The following GALNT17 variants were observed in gnomAD, a reference collection of about 807,000 sequenced individuals.
GALNT17 encodes the protein UDP-GalNAc:polypeptide N-acetylgalactosaminyltransferase-like 3.
GALNT17 carries 29 observed loss-of-function variants against 63.7 expected under a neutral mutation model. The ratio of observed to expected loss-of-function variants is 0.46; its 90% confidence interval spans 0.34 to 0.62. The LOEUF (loss-of-function observed/expected upper bound fraction) is 0.62. Among genes scored for constraint, GALNT17 ranks in the 20% least tolerant of loss-of-function variants. The pLI is 0.01. For synonymous variants in GALNT17, 305 were observed against 318.3 expected (o/e 0.96, Z 0.45); for missense variants, 603 against 799.6 (o/e 0.75, Z 2.97).
chr7:71,253,409 C>T (rs559665709), intron 1 of GALNT17, among the ~76,000 whole-genome samples: 3 of 152,002 alleles, frequency 2.0e-5, no homozygotes, highest in African/African-American at 4.8e-5. Flanking sequence ...CCCCATGATT[C>T]GATGATCTCC....
intron 1 of GALNT17, among the ~76,000 whole-genome samples, chr7:71,197,716 G>C (rs1002933731): frequency 2.0e-5 from 3 of 151,928 alleles, no homozygotes; most frequent in African/African-American, 7.3e-5. Flanking sequence ...TTCTGTGCCT[G>C]GCTTATTTCA....
chr7:71,627,233 T>C (rs1790387644), intron 6 of GALNT17, among the ~76,000 whole-genome samples: 1 of 152,178 alleles, frequency 6.6e-6, no homozygotes, highest in Non-Finnish European at 1.5e-5. Flanking sequence ...ATTACAAATA[T>C]GTATATGAGA....
chr7:71,457,799 G>A (rs1165966588), intron 5 of GALNT17, among the ~76,000 whole-genome samples: 2 of 152,130 alleles, frequency 1.3e-5, no homozygotes, highest in South Asian at 2.1e-4. Flanking sequence ...ATCTTGTGCC[G>A]ACCTCTTATC....
At chr7:71,214,043 A>G (rs774453625) in intron 1 of GALNT17, among the ~76,000 whole-genome samples, 1 of 152,176 alleles carries the variant, frequency 6.6e-6, no homozygotes, top group African/African-American at 2.4e-5. Flanking sequence ...TTTGATACCA[A>G]ATGTTATATG....
intron 5 of GALNT17, among the ~76,000 whole-genome samples, chr7:71,532,491 G>A (rs757592347): frequency 6.6e-6 from 1 of 152,180 alleles, no homozygotes; most frequent in Non-Finnish European, 1.5e-5. Context: ...GGGCTAAATA[G>A]CATATGTCAG....
intron 5 of GALNT17, among the ~76,000 whole-genome samples, chr7:71,427,786 C>T (rs945383267): frequency 9.2e-5 from 14 of 152,068 alleles, no homozygotes; most frequent in African/African-American, 3.4e-4. Context: ...CTTGCCATCT[C>T]CCACATTCCC....
intron 1 of GALNT17, among the ~76,000 whole-genome samples, chr7:71,313,275 A>C (rs1791442658): frequency 6.6e-6 from 1 of 152,186 alleles, no homozygotes; most frequent in South Asian, 2.1e-4. Flanking sequence ...TATTCTCAGC[A>C]GTCTTTATTT....
intron 6 of GALNT17, among the ~76,000 whole-genome samples, chr7:71,592,544 A>AGC (rs36194513): frequency 0.046 from 5,277 of 115,240 alleles, 242 homozygotes; most frequent in African/African-American, 0.097. Context: ...AATAAAATAA[A>AGC]ATAGCATAGC....
At chr7:71,649,638 CACACACAT>C (rs1790728165) in intron 6 of GALNT17, among the ~76,000 whole-genome samples, 2 of 152,190 alleles carry the variant, frequency 1.3e-5, no homozygotes, top group Middle Eastern at 3.4e-3. Flanking sequence ...CACACACACA[CACACACAT>C]ACACACCTTA....
chr7:71,461,851 G>A (rs1036552088), intron 5 of GALNT17, among the ~76,000 whole-genome samples: 2 of 152,132 alleles, frequency 1.3e-5, no homozygotes, highest in South Asian at 2.1e-4. Flanking sequence ...CAGATGTCTC[G>A]ACAGGTCCGA....
At chr7:71,643,336 C>A (rs773503790) in intron 6 of GALNT17, among the ~76,000 whole-genome samples, 2 of 151,900 alleles carry the variant, frequency 1.3e-5, no homozygotes, top group African/African-American at 4.8e-5. Flanking sequence ...GGCGTGGTGG[C>A]GTGTGCCTGT....
chr7:71,526,663 G>A (rs1414496423), intron 5 of GALNT17, among the ~76,000 whole-genome samples: 1 of 152,144 alleles, frequency 6.6e-6, no homozygotes, highest in Non-Finnish European at 1.5e-5. Flanking sequence ...GGGATTACAG[G>A]CATGTGCCCC....
intron 1 of GALNT17, among the ~76,000 whole-genome samples, chr7:71,259,486 G>A (rs1790343883): frequency 2.0e-5 from 3 of 152,132 alleles, no homozygotes; most frequent in Admixed American, 1.3e-4. Flanking sequence ...CGGGCACTTG[G>A]AAACGAAGCA....
At chr7:71,538,786 T>A (rs535299475) in intron 5 of GALNT17, among the ~76,000 whole-genome samples, 1 of 151,026 alleles carries the variant, frequency 6.6e-6, no homozygotes, top group Admixed American at 6.6e-5. Context: ...CATCTTCTAT[T>A]GAAGGGAGGA....
At chr7:71,317,351 C>A (rs1026757641) in intron 1 of GALNT17, among the ~76,000 whole-genome samples, 2 of 152,156 alleles carry the variant, frequency 1.3e-5, no homozygotes, top group Non-Finnish European at 2.9e-5. Flanking sequence ...TGTTCACAGG[C>A]AGAATTAGGA....
At chr7:71,535,838 G>T (rs1788794216) in intron 5 of GALNT17, among the ~76,000 whole-genome samples, 2 of 152,122 alleles carry the variant, frequency 1.3e-5, no homozygotes, top group South Asian at 4.1e-4. Context: ...TTTGACTATT[G>T]GTTGGTAAAC....
At chr7:71,562,900 A>G (rs902967794) in intron 5 of GALNT17, among the ~76,000 whole-genome samples, 1 of 152,164 alleles carries the variant, frequency 6.6e-6, no homozygotes, top group Non-Finnish European at 1.5e-5. Context: ...TGAGCCACTG[A>G]AGGCTTTAGA....
chr7:71,663,058 C>T (rs1425987203), intron 6 of GALNT17, among the ~76,000 whole-genome samples: 2 of 152,004 alleles, frequency 1.3e-5, no homozygotes, highest in African/African-American at 2.4e-5. Context: ...TCCATTGATC[C>T]GTATGTCTGT....
chr7:71,265,277 C>T (rs1189506489), intron 1 of GALNT17, among the ~76,000 whole-genome samples: 1 of 150,626 alleles, frequency 6.6e-6, no homozygotes, highest in African/African-American at 2.4e-5. Flanking sequence ...TAGGCGCATG[C>T]CACCACACCC....
Sources: gnomAD v4.1 joint callset for allele counts (sites outside exome capture counted in the v4.1 genomes callset) on GRCh38, gnomAD v4.1.1 for gene constraint, MANE v1.5 for transcripts, NCBI Gene and HGNC (gene_info 2026-07-23, HGNC 2026-07-21) for gene names.